CABP2: variants seen among roughly 807,000 people sequenced by gnomAD.
CABP2 encodes the protein calcium binding protein 2.
Under a neutral mutation model 28.6 loss-of-function variants are expected in CABP2, and 25 were observed. The ratio of observed to expected loss-of-function variants is 0.87; its 90% CI spans 0.64 to 1.22. CABP2 has a LOEUF of 1.22. Ranked by LOEUF, CABP2 falls within the 50% of genes most tolerant of loss-of-function variation. The pLI, the probability that CABP2 is intolerant of heterozygous loss-of-function variation, is 0.00. For synonymous variants in CABP2, 138 were observed against 126.0 expected (o/e 1.09, Z -0.64); for missense variants, 310 against 312.2 (o/e 0.99, Z 0.05).
chr11:67,519,213 G>C, intron 6 of CABP2, 49 bp from the exon 7 acceptor site: 1 of 1,608,744 alleles, frequency 6.2e-7, no homozygotes, highest in Middle Eastern at 1.7e-4. Context: ...GACTGCGCTA[G>C]GAGTGAGGAT....
At position 67,521,957 on chromosome 11, in the gene CABP2, A is replaced by G. The variant is rs924879386; in HGVS notation, c.239T>C (p.Ile80Thr). 5.0e-6 allele frequency: 8 copies of G among 1,607,906 alleles called. No individual in the cohort carries two copies. The highest frequency in any genetic ancestry group is 1.4e-5 in the African/African-American group (1 of 72,854). The change falls in exon 3 of 7, where the codon ATT (isoleucine) becomes ACT (threonine). Residue 80 changes from isoleucine (I) to threonine (T), a missense_variant. Ile to Thr is a moderately conservative substitution (Grantham distance 89, BLOSUM62 -1). Transcript: ENST00000294288. ...QLDRELRPEE[I>T]EELQVAFQEF... ...TTCCTTCTCCAACCCTTTACCTTCAATCTCCTCGGGCCGCAGCTCCCGGTC... is the reference window on the plus strand; with the variant it reads ...TTCCTTCTCCAACCCTTTACCTTCAGTCTCCTCGGGCCGCAGCTCCCGGTC...
At position 67,518,972 on chromosome 11, in the gene CABP2, A is replaced by G. The variant is rs1591077323; in HGVS notation, c.*167T>C. Reference sequence around the variant, plus strand: ...GACAGAGACAAGGCCAGGCGGCTTTATTGGAGAAGTGGTGGTGGGGGTGAA... The same window carrying G: ...GACAGAGACAAGGCCAGGCGGCTTTGTTGGAGAAGTGGTGGTGGGGGTGAA... On this transcript the variant is annotated 3_prime_UTR_variant, in exon 7 of 7. Coordinates refer to ENST00000294288, the MANE Select transcript of CABP2 (RefSeq NM_016366.3). 1.2e-5 allele frequency: 8 copies of G among 656,020 alleles called. No homozygotes were observed. In the East Asian group the frequency reaches 1.9e-4, roughly 16 times the overall value. 40.6% of individuals were successfully genotyped at this position (656,020 alleles called of 1,614,324 possible).
rs761115561 is a variant in CABP2, at chr11:67,519,947, C to T, written c.490-7G>A. 14 of 1,603,450 alleles carry T rather than the reference C, an allele frequency of 8.7e-6. No individual in the cohort carries two copies. In the South Asian group the frequency reaches 1.3e-4, roughly 15 times the overall value. ...CGTCCCCATTGGTGTCGAACTGTGGCGGCGTTGGTTGTGGCGTCTGGTCAC... is the reference window on the plus strand; with the variant it reads ...CGTCCCCATTGGTGTCGAACTGTGGTGGCGTTGGTTGTGGCGTCTGGTCAC... On this transcript the variant is annotated splice_polypyrimidine_tract_variant and splice_region_variant and intron_variant, in intron 5 of 6. Transcript: ENST00000294288.
In CABP2 at chr11:67,521,034, G is replaced by A. The variant is rs747729576; in HGVS notation, c.370C>T (p.Gln124Ter). 1.2e-6 allele frequency: 2 copies of A among 1,614,000 alleles called. No homozygotes were observed. The highest frequency in any genetic ancestry group is 1.7e-6 in the Non-Finnish European group (2 of 1,179,926). ...GGTCCGAGGCACATACTGATTTGTTGTGAGATCTCGATGAGCTCCATCTCG... is the reference window on the plus strand; with the variant it reads ...GGTCCGAGGCACATACTGATTTGTTATGAGATCTCGATGAGCTCCATCTCG... ...PTEMELIEISQQISGGKVDFE... is the reference protein window; with the variant it reads ...PTEMELIEIS The change falls in exon 4 of 7, where the codon CAA (glutamine) becomes TAA (stop). Residue 124 changes from glutamine (Q) to a stop codon, truncating the protein, a stop_gained. Transcript: ENST00000294288. LOFTEE classifies it high-confidence loss of function.
At chr11:67,523,172 G>C (rs116687594) in intron 1 of CABP2, 113 bp downstream of exon 1, 2 of 796,950 alleles carry the variant, frequency 2.5e-6, no homozygotes, top group Admixed American at 5.7e-5. Context: ...TCCACCTGGG[G>C]CAGTGGGCAG....
intron 1 of CABP2, 124 bp from the exon 2 acceptor site, chr11:67,522,840 C>T: frequency 1.1e-6 from 1 of 876,734 alleles, no homozygotes; most frequent in Non-Finnish European, 1.7e-6. Flanking sequence ...AGGGAAGGGG[C>T]TGGGGGGTAG....
intron 5 of CABP2, 38 bp from the exon 6 acceptor site, chr11:67,519,978 G>A (rs1866721494): frequency 6.3e-7 from 1 of 1,598,400 alleles, no homozygotes; most frequent in Admixed American, 1.7e-5. Context: ...GTCACTGACA[G>A]TCATTCACAC....
intron 1 of CABP2, among the ~76,000 whole-genome samples, chr11:67,523,083 A>G (rs930817675): frequency 2.0e-5 from 3 of 152,078 alleles, no homozygotes; most frequent in Non-Finnish European, 4.4e-5. Flanking sequence ...GGGGACCTGG[A>G]GCCTGGCAGG....
rs1389375950 is a variant in CABP2 at position 67,519,134 on chromosome 11, C to A, written c.*5G>T. 1 of 1,613,816 alleles carries A rather than the reference C, an allele frequency of 6.2e-7. No individual in the cohort carries two copies. Among genetic ancestry groups the A allele is most frequent in the African/African-American group, 1.3e-5 (1 of 74,844 alleles). ...CTTTATGCTGCCTCCAGCTTCTGTA[C>A]AGGCTCACCGAGACATCATTCGCAC... is the stretch of plus-strand genomic sequence containing the variant. On this transcript the variant is annotated 3_prime_UTR_variant, in exon 7 of 7. Transcript: ENST00000294288.
In CABP2 at chr11:67,521,059, G is replaced by A. The variant is rs376093439; in HGVS notation, c.345C>T (p.Thr115=). The A allele has an allele frequency of 1.6e-5, 26 of 1,614,008 alleles. No homozygotes were observed. Among genetic ancestry groups the A allele is most frequent in the South Asian group, 3.3e-5 (3 of 91,066 alleles). ...ACMRTLGYMP[T]EMELIEISQQ... is the part of the protein sequence containing the mutation. ...GTGAGATCTCGATGAGCTCCATCTC[G>A]GTGGGCATGTAGCCCAGGGTCCGCA... is the stretch of plus-strand genomic sequence containing the variant. Residue 115 remains threonine, a synonymous_variant, in exon 4 of 7, where the codon ACC becomes ACT. Transcript: ENST00000294288.
Position 67,518,990 on chromosome 11 carries a change from G to C in CABP2, c.*149C>G. 1 of 720,862 alleles carries C rather than the reference G, an allele frequency of 1.4e-6. No homozygotes were observed. Among genetic ancestry groups the C allele is most frequent in the African/African-American group, 1.8e-5 (1 of 56,332 alleles). 44.7% of individuals were successfully genotyped at this position (720,862 alleles called of 1,614,324 possible). Reference sequence around the variant, plus strand: ...CGGCTTTATTGGAGAAGTGGTGGTGGGGGTGAAGGCAGGCAAGGGCACTGC... The same window carrying C: ...CGGCTTTATTGGAGAAGTGGTGGTGCGGGTGAAGGCAGGCAAGGGCACTGC... On this transcript the variant is annotated 3_prime_UTR_variant, in exon 7 of 7. Coordinates refer to ENST00000294288, the MANE Select transcript of CABP2 (RefSeq NM_016366.3).
In CABP2 at chr11:67,521,977, C is replaced by T; in HGVS notation, c.219G>A (p.Arg73=). ...RPSIAATQLD[R]ELRPEEIEEL... ...CTTCAATCTCCTCGGGCCGCAGCTC[C>T]CGGTCCTGAAGGGCACAGAGGGGTT... Residue 73 remains arginine (R), a synonymous_variant, in exon 3 of 7, where the codon CGG becomes CGA. Transcript: ENST00000294288. The T allele has an allele frequency of 6.2e-7, 1 of 1,613,190 alleles. No homozygotes were observed. Among genetic ancestry groups the T allele is most frequent in the South Asian group, 1.1e-5 (1 of 90,736 alleles).
Position 67,520,095 on chromosome 11 carries a change from C to T in CABP2, c.445G>A (p.Ala149Thr), listed in dbSNP as rs866283688. 6.2e-7 allele frequency: 1 copy of T among 1,613,842 alleles called. No individual in the cohort carries two copies. The highest frequency in any genetic ancestry group is 1.7e-5 in the Admixed American group (1 of 60,028). ...LMGPKLLAET[A>T]DMIGVRELRD... Reference sequence around the variant, plus strand: ...AGCTCCCGGACACCGATCATGTCTGCCGTCTCTGCCAGCAGCTTGGGGCCC... The same window carrying T: ...AGCTCCCGGACACCGATCATGTCTGTCGTCTCTGCCAGCAGCTTGGGGCCC... Residue 149 changes from alanine to threonine, a missense_variant, in exon 5 of 7, where the codon GCA (alanine) becomes ACA (threonine). Physicochemically the swap from Ala to Thr is moderately conservative, Grantham distance 58. Transcript: ENST00000294288.
intron 3 of CABP2, 141 bp from the exon 4 acceptor site, chr11:67,521,300 T>G: frequency 1.2e-6 from 1 of 809,616 alleles, no homozygotes; most frequent in Non-Finnish European, 1.9e-6. Context: ...TTGCACGTGC[T>G]GTTCCTGTTA....
intron 2 of CABP2, among the ~76,000 whole-genome samples, 192 bp from the exon 3 acceptor site, chr11:67,522,174 CT>C (rs1866757221): frequency 6.6e-6 from 1 of 152,178 alleles, no homozygotes; most frequent in African/African-American, 2.4e-5. Context: ...GCCCCCTTCC[CT>C]GCTTCTGGCC....
rs764270235 is a variant in CABP2, at chr11:67,520,146, C to A, written c.394G>T (p.Asp132Tyr). Residue 132 changes from aspartate to tyrosine, a missense_variant, in exon 5 of 7, where the codon GAC becomes TAC. By Grantham distance (160) the Asp-to-Tyr change is radical (BLOSUM62 -3). Transcript: ENST00000294288. The stretch of plus-strand genomic sequence containing the variant: ...ATCAGCTCCACGAAGTCTTCAAAGT[C>A]CACCTTTCCGCCACCTGGGGGTCCC... ...ISQQISGGKV[D>Y]FEDFVELMGP... 8 of 1,613,478 alleles carry A rather than the reference C, an allele frequency of 5.0e-6. No homozygotes were observed. In the South Asian group the frequency reaches 8.8e-5, roughly 18 times the overall value.
rs1871035 is a variant in CABP2 at position 67,522,682 on chromosome 11, C to T, written c.77G>A (p.Gly26Asp). ...PLQWLGSPPR[G>D]SCPSPSSSPK... ...GCTGGAGCTGGGGCTGGGGCAGGAG[C>T]CCCTTGGTGGGGAGCCGAGCCACTG... Residue 26 changes from glycine to aspartate, a missense_variant, in exon 2 of 7, where the codon GGC becomes GAC. Gly to Asp is a moderately conservative substitution (Grantham distance 94). Coordinates refer to ENST00000294288, the MANE Select transcript of CABP2 (RefSeq NM_016366.3). 1.3e-6 allele frequency: 2 copies of T among 1,526,930 alleles called. No individual in the cohort carries two copies. Among genetic ancestry groups the T allele is most frequent in the Admixed American group, 4.1e-5 (2 of 49,206 alleles). 94.6% of individuals were successfully genotyped at this position (1,526,930 alleles called of 1,614,324 possible). A position where few individuals can be genotyped will look rare whatever the true frequency, so the allele number is the denominator to read the frequency against.
intron 2 of CABP2, 50 bp downstream of exon 2, chr11:67,522,496 T>G (rs1866760872): frequency 6.5e-7 from 1 of 1,544,242 alleles, no homozygotes; most frequent in South Asian, 1.2e-5. Flanking sequence ...GGTGAGCTGG[T>G]GGGAGAGGGG....
rs529862390 is a variant in CABP2 at position 67,523,425 on chromosome 11, C to T, written c.-99G>A. ...GACTCCTGCCAGCCCCCAGCTGCTC[C>T]CGATGAGAGCCTGGGAGTACTGCCG... On this transcript the variant is annotated 5_prime_UTR_variant, in exon 1 of 7. Coordinates refer to ENST00000294288, the MANE Select transcript of CABP2 (RefSeq NM_016366.3). 23 of 1,421,600 alleles carry T rather than the reference C, an allele frequency of 1.6e-5. No homozygotes were observed. The East Asian group carries it at 5.2e-4, about 32-fold the overall frequency. The allele number at this position is 1,421,600 out of a possible 1,614,324, so 88.1% of individuals were successfully genotyped here.
Sources: allele counts gnomAD v4.1 joint callset (sites outside exome capture counted in the v4.1 genomes callset), GRCh38; gene constraint gnomAD v4.1.1; transcripts MANE v1.5; gene names NCBI Gene and HGNC (gene_info 2026-07-23, HGNC 2026-07-21).